ZBTB7C: variants seen among roughly 807,000 people sequenced by gnomAD.
The protein encoded by ZBTB7C is zinc finger and BTB domain containing 7C.
ZBTB7C carries 8 observed loss-of-function variants against 25.7 expected under a neutral mutation model. The ratio of observed to expected loss-of-function variants is 0.31; its 90% confidence interval spans 0.18 to 0.56. The LOEUF is 0.56. ZBTB7C is among the 20% of genes least tolerant of loss of function. The probability of loss-of-function intolerance (pLI) is 0.91; values close to 1 mark genes in which losing one functional copy is unlikely to be tolerated. For missense variants in ZBTB7C, 824 were observed against 855.2 expected (o/e 0.96, Z 0.46); for synonymous variants, 394 against 369.0 (o/e 1.07, Z -0.78).
intron 3 of ZBTB7C, among the ~76,000 whole-genome samples, chr18:48,160,772 C>G (rs146197807): frequency 6.6e-6 from 1 of 151,914 alleles, no homozygotes; most frequent in Non-Finnish European, 1.5e-5. Flanking sequence ...TTGAACTGGC[C>G]GCAGGGAGAG....
chr18:48,242,788 C>A (rs1289568552), intron 2 of ZBTB7C, among the ~76,000 whole-genome samples: 1 of 152,108 alleles, frequency 6.6e-6, no homozygotes, highest in Non-Finnish European at 1.5e-5. Flanking sequence ...AGAACTGGAA[C>A]AAGACAAGAA....
At chr18:48,328,181 CAAAA>C (rs55654378) in intron 2 of ZBTB7C, among the ~76,000 whole-genome samples, 2 of 58,846 alleles carry the variant, frequency 3.4e-5, no homozygotes, top group Admixed American at 1.8e-4. Context: ...GACTCTGTCT[CAAAA>C]AAAAAAAAAA....
intron 3 of ZBTB7C, among the ~76,000 whole-genome samples, chr18:48,091,810 C>T (rs1012955293): frequency 2.6e-5 from 4 of 152,166 alleles, no homozygotes; most frequent in African/African-American, 9.6e-5. Context: ...AAGAAAGGTG[C>T]CACTTCATCA....
chr18:48,275,431 C>T (rs1325238497), intron 2 of ZBTB7C, among the ~76,000 whole-genome samples: 1 of 152,220 alleles, frequency 6.6e-6, no homozygotes, highest in Non-Finnish European at 1.5e-5. Context: ...GTGGGCAGGA[C>T]ACAGCCTAGC....
At chr18:48,072,932 T>C (rs1470660652) in intron 3 of ZBTB7C, among the ~76,000 whole-genome samples, 1 of 152,122 alleles carries the variant, frequency 6.6e-6, no homozygotes, top group African/African-American at 2.4e-5. Context: ...TGGAGTTCCC[T>C]TCCCCCTCCA....
chr18:48,105,539 A>G (rs890334050), intron 3 of ZBTB7C, among the ~76,000 whole-genome samples: 2 of 152,046 alleles, frequency 1.3e-5, no homozygotes, highest in East Asian at 3.9e-4. Flanking sequence ...CATGCCCCCT[A>G]TTCAATATAC....
intron 3 of ZBTB7C, among the ~76,000 whole-genome samples, chr18:48,170,075 T>C (rs1236703756): frequency 6.6e-6 from 1 of 152,010 alleles, no homozygotes; most frequent in Non-Finnish European, 1.5e-5. Flanking sequence ...GGAACTGCAC[T>C]CCCCACAAAG....
At chr18:48,189,724 C>T (rs1417686460) in intron 2 of ZBTB7C, among the ~76,000 whole-genome samples, 2 of 152,196 alleles carry the variant, frequency 1.3e-5, no homozygotes, top group East Asian at 1.9e-4. Flanking sequence ...CCTTCCCAGG[C>T]CCTGACCTGG....
chr18:48,043,377 C>T (rs1203697992), intron 3 of ZBTB7C, among the ~76,000 whole-genome samples: 2 of 152,148 alleles, frequency 1.3e-5, no homozygotes, highest in African/African-American at 4.8e-5. Flanking sequence ...TGTGGTACAT[C>T]CATGCCAGGG....
chr18:48,366,957 C>T (rs1457777999), intron 1 of ZBTB7C, among the ~76,000 whole-genome samples: 1 of 151,896 alleles, frequency 6.6e-6, no homozygotes, highest in Admixed American at 6.6e-5. Flanking sequence ...GTGACAGAGA[C>T]TGCCTCTGCT....
At chr18:48,347,919 A>G (rs1568390726) in intron 1 of ZBTB7C, among the ~76,000 whole-genome samples, 1 of 152,222 alleles carries the variant, frequency 6.6e-6, no homozygotes, top group Non-Finnish European at 1.5e-5. Context: ...GTCAACATGC[A>G]AAAAGGCAGG....
chr18:48,047,465 G>T (rs2036520491), intron 3 of ZBTB7C, among the ~76,000 whole-genome samples: 1 of 152,136 alleles, frequency 6.6e-6, no homozygotes. Context: ...GAAAATAAAG[G>T]AGAAAGATGG....
At chr18:48,242,179 C>T (rs1211912623) in intron 2 of ZBTB7C, among the ~76,000 whole-genome samples, 2 of 152,084 alleles carry the variant, frequency 1.3e-5, no homozygotes, top group African/African-American at 2.4e-5. Context: ...AGACCAATAA[C>T]AAGCAGTGAG....
intron 3 of ZBTB7C, among the ~76,000 whole-genome samples, chr18:48,140,051 A>G (rs1472846954): frequency 6.6e-6 from 1 of 152,220 alleles, no homozygotes; most frequent in Non-Finnish European, 1.5e-5. Flanking sequence ...AGCTGGCTCC[A>G]AACTCAACAA....
At chr18:48,363,026 G>A (rs992905200) in intron 1 of ZBTB7C, among the ~76,000 whole-genome samples, 19 of 152,220 alleles carry the variant, frequency 1.2e-4, no homozygotes, top group African/African-American at 4.3e-4. Flanking sequence ...AAGTTATTTA[G>A]TCTCTCTTTA....
chr18:48,181,933 A>G (rs2041935549), intron 3 of ZBTB7C, among the ~76,000 whole-genome samples: 1 of 152,132 alleles, frequency 6.6e-6, no homozygotes, highest in South Asian at 2.1e-4. Context: ...ATATAATGAT[A>G]TTTGTCATTA....
chr18:48,403,045 C>A (rs1568427371), intron 1 of ZBTB7C, among the ~76,000 whole-genome samples: 1 of 152,182 alleles, frequency 6.6e-6, no homozygotes, highest in Non-Finnish European at 1.5e-5. Context: ...CAAAGAGAAA[C>A]CCTCCCTGCA....
At chr18:48,273,271 AT>A (rs1406889457) in intron 2 of ZBTB7C, among the ~76,000 whole-genome samples, 3 of 152,214 alleles carry the variant, frequency 2.0e-5, no homozygotes, top group Non-Finnish European at 2.9e-5. Context: ...TTGAAAAAAA[AT>A]GCTGGAGAGA....
intron 1 of ZBTB7C, among the ~76,000 whole-genome samples, chr18:48,367,448 A>C (rs1173089016): frequency 6.7e-6 from 1 of 149,186 alleles, no homozygotes; most frequent in East Asian, 2.0e-4. Flanking sequence ...GGGAGACAGC[A>C]GGATGGTGAG....
Sources: gnomAD v4.1 joint callset for allele counts (sites outside exome capture counted in the v4.1 genomes callset) on GRCh38, gnomAD v4.1.1 for gene constraint, MANE v1.5 for transcripts, NCBI Gene and HGNC (gene_info 2026-07-23, HGNC 2026-07-21) for gene names.